The following IGFN1 variants were observed in gnomAD, a reference collection of about 807,000 sequenced individuals.
The protein encoded by IGFN1 is immunoglobulin like and fibronectin type III domain containing 1.
A neutral mutation model predicts 289.5 loss-of-function variants in IGFN1; 253 were observed. The ratio of observed to expected loss-of-function variants is 0.87; its 90% CI spans 0.79 to 0.97. IGFN1 has a LOEUF of 0.97. IGFN1 is among the 50% of genes least tolerant of loss of function. IGFN1 has a pLI of 0.00. For missense variants in IGFN1, 4,470 were observed against 4,686.1 expected (o/e 0.95, Z 1.35); for synonymous variants, 1,706 against 1,788.5 (o/e 0.95, Z 1.16).
intron 8 of IGFN1, among the ~76,000 whole-genome samples, chr1:201,201,433 G>A (rs1176392502): frequency 6.6e-6 from 1 of 152,196 alleles, no homozygotes; most frequent in East Asian, 1.9e-4. Flanking sequence ...CACACGGTAG[G>A]TGTTCAACTA....
Position 201,197,260 on chromosome 1 carries a change from A to C in IGFN1, c.310A>C (p.Thr104Pro). The C allele has an allele frequency of 6.4e-7, 1 of 1,551,624 alleles. No individual in the cohort carries two copies. The highest frequency in any genetic ancestry group is 8.7e-7 in the Non-Finnish European group (1 of 1,146,902). ...TGEDTDLYRC[T>P]AVNAYGEAAC... is the part of the protein sequence containing the mutation. The stretch of plus-strand genomic sequence containing the variant: ...CGAGGACACGGATCTGTACCGCTGC[A>C]CAGCAGTAAATGCGTACGGAGAGGC... Residue 104 changes from threonine (T) to proline (P), a missense_variant, in exon 5 of 24, where the codon ACA becomes CCA. This residue lies in a region of IGFN1 where 2,011 missense variants were observed against 1,953.4 expected (regional missense o/e 1.03). Coordinates refer to ENST00000335211, the MANE Select transcript of IGFN1 (RefSeq NM_001164586.2).
Position 201,206,334 on chromosome 1 carries a change from T to A in IGFN1, c.1441T>A (p.Ser481Thr), listed in dbSNP as rs1266042606. 4 of 1,550,356 alleles carry A rather than the reference T, an allele frequency of 2.6e-6. 1 individual carries two copies. In the East Asian group the frequency reaches 9.8e-5, roughly 38 times the overall value. Residue 481 changes from serine (S) to threonine (T), a missense_variant, in exon 12 of 24, where the codon TCA becomes ACA. Physicochemically the swap from Ser to Thr is moderately conservative, Grantham distance 58. This residue lies in a region of IGFN1 where 2,011 missense variants were observed against 1,953.4 expected (regional missense o/e 1.03). Coordinates refer to ENST00000335211, the MANE Select transcript of IGFN1 (RefSeq NM_001164586.2). ...GATGGGGGACAAAGGGACAGCTGAC[T>A]CAGCCTGGGGCCCTGGACAGGAGGG... is the stretch of plus-strand genomic sequence containing the variant. ...SLMGDKGTAD[S>T]AWGPGQEGEG...
At position 201,211,613 on chromosome 1, in the gene IGFN1, G is replaced by C; in HGVS notation, c.6720G>C (p.Gly2240=). ...TCAGGGATGGTTTAGGGAGTTCTGG[G>C]GAAATGGGGTCAATGGATGAGGCAG... ...AGFRDGLGSS[G]EMGSMDEADY... Residue 2240 remains glycine, a synonymous_variant, in exon 12 of 24, where the codon GGG becomes GGC. Coordinates refer to ENST00000335211, the MANE Select transcript of IGFN1 (RefSeq NM_001164586.2). The C allele has an allele frequency of 6.5e-7, 1 of 1,534,394 alleles. No homozygotes were observed.
chr1:201,215,184 T>C (rs959926174), intron 14 of IGFN1, 30 bp downstream of exon 14: 3 of 1,599,772 alleles, frequency 1.9e-6, no homozygotes, highest in African/African-American at 2.7e-5. Context: ...TGCCCTGCCC[T>C]GTCCTGTCCC....
rs1364333679 is a variant in IGFN1, at chr1:201,210,688, C to T, written c.5795C>T (p.Ala1932Val). ...GCAGGTTATAGGAAGGATTTGGGGG[C>T]TCCTGAGGGAATGGGTTCAGGGAGT... ...NEAGYRKDLG[A>V]PEGMGSGSKE... The change falls in exon 12 of 24, where the codon GCT becomes GTT. Residue 1932 changes from alanine (A) to valine (V), a missense_variant. This residue lies in a region of IGFN1 where 108 missense variants were observed against 128.7 expected (regional missense o/e 0.84). Coordinates refer to ENST00000335211, the MANE Select transcript of IGFN1 (RefSeq NM_001164586.2). 9 of 1,522,528 alleles carry T rather than the reference C, an allele frequency of 5.9e-6. No individual in the cohort carries two copies. Among genetic ancestry groups the T allele is most frequent in the Non-Finnish European group, 7.0e-6 (8 of 1,142,498 alleles). The allele number at this position is 1,522,528 out of a possible 1,614,324, so 94.3% of individuals were successfully genotyped here. A position where few individuals can be genotyped will look rare whatever the true frequency, so the allele number is the denominator to read the frequency against.
chr1:201,200,111 C>T, intron 7 of IGFN1, 126 bp from the exon 8 acceptor site: 1 of 742,690 alleles, frequency 1.3e-6, no homozygotes, highest in Non-Finnish European at 2.2e-6. Context: ...CCAGAGATTC[C>T]AGGCTCTGCG....
rs1344975440 is a variant in IGFN1, at chr1:201,194,986, G to A, written c.127+713G>A. ...AGGCTGAGGGATTCCTTGAGGGCGG[G>A]CAGTTCCCAGGCCTCCATGACAGGC... is the stretch of plus-strand genomic sequence containing the variant. On this transcript the variant is annotated intron_variant, in intron 3 of 23. Transcript: ENST00000335211. Among the ~76,000 whole-genome samples the A allele has an allele frequency of 2.0e-5, 3 of 152,128 alleles. No individual in the cohort carries two copies. In the South Asian group the frequency reaches 6.2e-4, roughly 32 times the overall value.
rs369774577 is a variant in IGFN1, at chr1:201,225,986, G to A, written c.10649G>A (p.Arg3550His). The A allele has an allele frequency of 5.9e-5, 93 of 1,565,318 alleles. No homozygotes were observed. The highest frequency in any genetic ancestry group is 1.4e-4 in the Admixed American group (8 of 56,338). ...GGTCCCTGGCACGAGGCAGCCGACC[G>A]CATCCACACCAACCGCTTCACCCTC... ...AHGPWHEAADRIHTNRFTLLG... is the reference protein window; with the variant it reads ...AHGPWHEAADHIHTNRFTLLG... The change falls in exon 22 of 24, where the codon CGC becomes CAC. Residue 3550 changes from arginine to histidine, a missense_variant. This residue lies in a region of IGFN1 where 2,218 missense variants were observed against 2,114.1 expected (regional missense o/e 1.05). Transcript: ENST00000335211.
Position 201,208,482 on chromosome 1 carries a change from G to A in IGFN1, c.3589G>A (p.Gly1197Arg), listed in dbSNP as rs1316676472. Residue 1197 changes from glycine to arginine, a missense_variant, in exon 12 of 24, where the codon GGG becomes AGG. Transcript: ENST00000335211. ...CCCTGAGTCACTCGCACCTCACAAT[G>A]GGGCCGCTTCTGGGAGCCAGTGGGC... ...RHPESLAPHN[G>R]AASGSQWAYG... is the part of the protein sequence containing the mutation. 2.1e-6 allele frequency: 3 copies of A among 1,447,362 alleles called. No homozygotes were observed. Among genetic ancestry groups the A allele is most frequent in the African/African-American group, 1.4e-5 (1 of 69,828 alleles). The allele number at this position is 1,447,362 out of a possible 1,614,324, so 89.7% of individuals were successfully genotyped here. A position where few individuals can be genotyped will look rare whatever the true frequency, so the allele number is the denominator to read the frequency against.
rs1422188883 is a variant in IGFN1, at chr1:201,216,766, G to T, written c.9595+13G>T. On this transcript the variant is annotated intron_variant, in intron 16 of 23. Coordinates refer to ENST00000335211, the MANE Select transcript of IGFN1 (RefSeq NM_001164586.2). ...GTGGCTCCTGAGGGTGAGAGAAAAG[G>T]CTGGGGCTGGGGGTGGGGGACACTC... The T allele has an allele frequency of 1.3e-6, 2 of 1,577,894 alleles. No homozygotes were observed. Among genetic ancestry groups the T allele is most frequent in the African/African-American group, 1.3e-5 (1 of 74,304 alleles).
Position 201,194,226 on chromosome 1 carries a change from G to T in IGFN1, c.80G>T (p.Ser27Ile). 6.4e-7 allele frequency: 1 copy of T among 1,551,632 alleles called. No individual in the cohort carries two copies. The highest frequency in any genetic ancestry group is 8.7e-7 in the Non-Finnish European group (1 of 1,146,956). ...GTGGAGGAGATCCCTGAAGGCTGCA[G>T]CACGCCGGACTTTGAGCAGAAGCCC... ...QLVEEIPEGC[S>I]TPDFEQKPVT... Residue 27 changes from serine (S) to isoleucine (I), a missense_variant, in exon 3 of 24, where the codon AGC (serine) becomes ATC (isoleucine). Transcript: ENST00000335211.
intron 10 of IGFN1, 138 bp from the exon 11 acceptor site, chr1:201,204,944 G>T: frequency 1.3e-6 from 1 of 768,436 alleles, no homozygotes; most frequent in Non-Finnish European, 2.0e-6. Context: ...AGGTCCAGAG[G>T]TGACCTGTCC....
At chr1:201,191,097 A>G (rs1666641017) in intron 1 of IGFN1, among the ~76,000 whole-genome samples, 190 bp downstream of exon 1, 1 of 152,166 alleles carries the variant, frequency 6.6e-6, no homozygotes, top group East Asian at 1.9e-4. Flanking sequence ...TTACTCCAGG[A>G]TATCTGGAGG....
chr1:201,228,269 C>G, intron 23 of IGFN1, 117 bp from the exon 24 acceptor site: 1 of 1,054,244 alleles, frequency 9.5e-7, no homozygotes, highest in Non-Finnish European at 1.5e-6. Context: ...TGAACCCACA[C>G]CCCCTGATGG....
intron 21 of IGFN1, 130 bp from the exon 22 acceptor site, chr1:201,225,694 C>G: frequency 1.4e-6 from 1 of 726,856 alleles, no homozygotes; most frequent in Non-Finnish European, 2.2e-6. Context: ...CAAGCTTACT[C>G]TGGGTCCAGC....
intron 18 of IGFN1, 29 bp downstream of exon 18, chr1:201,218,687 G>T (rs777872908): frequency 1.9e-5 from 30 of 1,590,430 alleles, no homozygotes; most frequent in Non-Finnish European, 2.5e-5. Flanking sequence ...CAGGATGGGG[G>T]TGGAGGTGAG....
intron 13 of IGFN1, among the ~76,000 whole-genome samples, chr1:201,214,790 G>C (rs1191556519): frequency 6.6e-6 from 1 of 152,230 alleles, no homozygotes; most frequent in Non-Finnish European, 1.5e-5. Flanking sequence ...AAACAGTCTG[G>C]CTTCCTCATC....
At position 201,208,951 on chromosome 1, in the gene IGFN1, G is replaced by T; in HGVS notation, c.4058G>T (p.Gly1353Val). 1 of 1,536,624 alleles carries T rather than the reference G, an allele frequency of 6.5e-7. No individual in the cohort carries two copies. Among genetic ancestry groups the T allele is most frequent in the Non-Finnish European group, 8.7e-7 (1 of 1,146,756 alleles). The part of the protein sequence containing the change: ...RGGLQDSREA[G>V]SGSKADYSGG... ...GGTTTACAGGATTCCAGGGAAGCGG[G>T]TTCAGGGAGCAAGGCAGATTATAGC... Residue 1353 changes from glycine (G) to valine (V), a missense_variant, in exon 12 of 24, where the codon GGT becomes GTT. Physicochemically the swap from Gly to Val is moderately radical, Grantham distance 109. Coordinates refer to ENST00000335211, the MANE Select transcript of IGFN1 (RefSeq NM_001164586.2).
In IGFN1 at chr1:201,212,287, A is replaced by G. The variant is rs1398762581; in HGVS notation, c.7394A>G (p.Lys2465Arg). ...CTTTCAGATGAGCGAGGCTCCACCA[A>G]AGATCTTGGGGGCTATGGAACTTCA... ...QTLSDERGST[K>R]DLGGYGTSGI... The change falls in exon 12 of 24, where the codon AAA becomes AGA. Residue 2465 changes from lysine to arginine, a missense_variant. By Grantham distance (26) the Lys-to-Arg change is conservative. Coordinates refer to ENST00000335211, the MANE Select transcript of IGFN1 (RefSeq NM_001164586.2). The G allele has an allele frequency of 2.0e-6, 3 of 1,536,278 alleles. No individual in the cohort carries two copies. The Admixed American group carries it at 5.9e-5, about 30-fold the overall frequency.
Sources: allele counts gnomAD v4.1 joint callset (sites outside exome capture counted in the v4.1 genomes callset), GRCh38; gene constraint gnomAD v4.1.1; regional missense constraint gnomAD v4.1.1; transcripts MANE v1.5; gene names NCBI Gene and HGNC (gene_info 2026-07-23, HGNC 2026-07-21).